Variants in NRG1 observed in about 807,000 individuals in gnomAD.
The protein encoded by NRG1 is neuregulin 1.
In NRG1, 18 loss-of-function variants were observed where a neutral mutation model predicts 63.8. The observed-to-expected ratio is 0.28, with a 90% CI of 0.19 to 0.42. The LOEUF is 0.42. Ranked by LOEUF, NRG1 falls within the 10% of genes least tolerant of loss-of-function variation. The pLI is 1.00. For synonymous variants in NRG1, 302 were observed against 301.3 expected, an observed-to-expected ratio of 1.00 and a Z score of -0.02; for missense variants, 762 against 814.7, an observed-to-expected ratio of 0.94 and a Z score of 0.79.
chr8:31,711,789 G>A (rs965558719), intron 1 of NRG1, among the ~76,000 whole-genome samples: 1 of 152,178 alleles, frequency 6.6e-6, no homozygotes, highest in African/African-American at 2.4e-5. Context: ...TCTGTGTCTG[G>A]TGAGGGCTGC....
At chr8:31,904,996 ACATGTATCCCTGAACC>A (rs1001319228) in intron 1 of NRG1, among the ~76,000 whole-genome samples, 13 of 151,626 alleles carry the variant, frequency 8.6e-5, no homozygotes, top group African/African-American at 3.2e-4. Flanking sequence ...ACAAACCTGC[ACATGTATCCCTGAACC>A]CAAAATAAAG....
At chr8:32,139,723 C>T (rs989298646) in intron 1 of NRG1, among the ~76,000 whole-genome samples, 31 of 151,948 alleles carry the variant, frequency 2.0e-4, no homozygotes, top group Non-Finnish European at 2.2e-4. Flanking sequence ...GACTTACCCA[C>T]GTAACCGAAA....
intron 1 of NRG1, among the ~76,000 whole-genome samples, chr8:31,773,420 G>A (rs897217230): frequency 1.3e-5 from 2 of 152,148 alleles, no homozygotes; most frequent in South Asian, 2.1e-4. Context: ...AAGGACTACC[G>A]TAATTTCATA....
intron 1 of NRG1, among the ~76,000 whole-genome samples, chr8:32,444,064 CTT>C: frequency 6.7e-6 from 1 of 149,834 alleles, no homozygotes; most frequent in Non-Finnish European, 1.5e-5. Flanking sequence ...TTCTCTCTCT[CTT>C]TCTCTTCCCT....
chr8:31,679,640 C>G (rs1039168546), intron 1 of NRG1, among the ~76,000 whole-genome samples: 6 of 152,082 alleles, frequency 3.9e-5, no homozygotes, highest in African/African-American at 1.4e-4. Flanking sequence ...TTTAAGATTA[C>G]AAACAAGTTA....
rs1182530465 is a variant in NRG1, at chr8:31,830,367, T to TTCCC, written c.37+190940_37+190943dup. On this transcript the variant is annotated intron_variant, in intron 1 of 10. Transcript: ENST00000519301. ...CTTCCTTCCTTCCTTCCTTCCCTCC[T>TTCCC]TCCCTCCTTCCCTCCTTCCCTCCTT... Among the ~76,000 whole-genome samples, 10 of 145,318 alleles carry TTCCC rather than the reference T, an allele frequency of 6.9e-5. No homozygotes were observed. In the East Asian group the frequency reaches 1.9e-3, roughly 27 times the overall value.
intron 1 of NRG1, among the ~76,000 whole-genome samples, chr8:32,122,281 G>A (rs778160156): frequency 1.3e-5 from 2 of 152,006 alleles, no homozygotes; most frequent in Non-Finnish European, 2.9e-5. Context: ...CTGGTTCTCA[G>A]TAGGGGTGGG....
At chr8:31,683,261 T>C (rs1808521272) in intron 1 of NRG1, among the ~76,000 whole-genome samples, 1 of 152,144 alleles carries the variant, frequency 6.6e-6, no homozygotes, top group African/African-American at 2.4e-5. Context: ...AGCAGTTTTA[T>C]TTATGATTGT....
intron 1 of NRG1, among the ~76,000 whole-genome samples, chr8:32,503,739 GA>G (rs965074850): frequency 1.3e-5 from 2 of 152,186 alleles, no homozygotes; most frequent in African/African-American, 4.8e-5. Flanking sequence ...CTCCTTAGAA[GA>G]AAGAGTTCAG....
chr8:32,027,414 C>T (rs182029318), intron 1 of NRG1, among the ~76,000 whole-genome samples: 3 of 114,138 alleles, frequency 2.6e-5, no homozygotes, highest in South Asian at 2.9e-4. Context: ...CCTTCCTTCC[C>T]TCCTTCCTTC....
chr8:31,934,400 C>G (rs1835118307), intron 1 of NRG1, among the ~76,000 whole-genome samples: 1 of 147,572 alleles, frequency 6.8e-6, no homozygotes, highest in Non-Finnish European at 1.5e-5. Flanking sequence ...CACACATACA[C>G]ACACCCCTTT....
At chr8:32,100,786 G>T (rs1830472067) in intron 1 of NRG1, among the ~76,000 whole-genome samples, 1 of 152,134 alleles carries the variant, frequency 6.6e-6, no homozygotes, top group Non-Finnish European at 1.5e-5. Flanking sequence ...GTCAAAGTAG[G>T]CGATGTCAGA....
chr8:32,691,386 A>G (rs868753522), intron 5 of NRG1, among the ~76,000 whole-genome samples: 1 of 152,122 alleles, frequency 6.6e-6, no homozygotes, highest in Non-Finnish European at 1.5e-5. Flanking sequence ...AATAGGTGAG[A>G]TGCCAATTCT....
chr8:31,889,822 T>TTTGCATGTTCCA, intron 1 of NRG1, among the ~76,000 whole-genome samples: 1 of 152,144 alleles, frequency 6.6e-6, no homozygotes, highest in East Asian at 1.9e-4. Flanking sequence ...GGAGAGGGAC[T>TTTGCATGTTCCA]TACTGGTTTG....
At chr8:32,153,356 A>G (rs1837714408) in intron 1 of NRG1, among the ~76,000 whole-genome samples, 1 of 152,160 alleles carries the variant, frequency 6.6e-6, no homozygotes. Flanking sequence ...TTTAATACAG[A>G]GAATGAAGGC....
chr8:32,335,789 A>G (rs1413256550), intron 1 of NRG1, among the ~76,000 whole-genome samples: 3 of 152,156 alleles, frequency 2.0e-5, no homozygotes, highest in East Asian at 1.9e-4. Context: ...TTTGAAAGAA[A>G]TGCAGCCCAA....
chr8:31,797,927 G>C (rs1821389137), intron 1 of NRG1, among the ~76,000 whole-genome samples: 1 of 152,096 alleles, frequency 6.6e-6, no homozygotes, highest in South Asian at 2.1e-4. Context: ...AAATAAGTAG[G>C]GCATAGAAGG....
At chr8:32,227,433 T>G (rs1344495896) in intron 1 of NRG1, among the ~76,000 whole-genome samples, 6 of 152,178 alleles carry the variant, frequency 3.9e-5, no homozygotes, top group Non-Finnish European at 8.8e-5. Flanking sequence ...TCATGGATTA[T>G]TTTAAGAAAA....
At chr8:31,922,828 C>G (rs1219658369) in intron 1 of NRG1, among the ~76,000 whole-genome samples, 1 of 151,932 alleles carries the variant, frequency 6.6e-6, no homozygotes, top group Non-Finnish European at 1.5e-5. Context: ...TGAAGGTGAA[C>G]AAGCAGATGA....
Sources: gnomAD v4.1 joint callset for allele counts (sites outside exome capture counted in the v4.1 genomes callset) on GRCh38, gnomAD v4.1.1 for gene constraint, MANE v1.5 for transcripts, NCBI Gene and HGNC (gene_info 2026-07-23, HGNC 2026-07-21) for gene names.